The following UHRF1 variants were observed in gnomAD, a reference collection of about 807,000 sequenced individuals.
UHRF1 encodes the protein E3 ubiquitin-protein ligase UHRF1.
In UHRF1, 9 loss-of-function variants were observed where a neutral mutation model predicts 96.5. The ratio of observed to expected loss-of-function variants is 0.09; its 90% CI spans 0.06 to 0.16. The LOEUF is 0.16. UHRF1 is among the 10% of genes least tolerant of loss of function. The probability of loss-of-function intolerance (pLI) is 1.00; values close to 1 mark genes in which losing one functional copy is unlikely to be tolerated. For synonymous variants in UHRF1, 455 were observed against 469.9 expected, an observed-to-expected ratio of 0.97 and a Z score of 0.41; for missense variants, 626 against 1,131.1, an observed-to-expected ratio of 0.55 and a Z score of 6.40.
chr19:4,956,667 G>C, intron 15 of UHRF1, 42 bp from the exon 16 acceptor site: 1 of 1,317,346 alleles, frequency 7.6e-7, no homozygotes, highest in South Asian at 1.2e-5. Flanking sequence ...TGGGAGCCCT[G>C]GTCCCGGTGT....
chr19:4,921,308 G>A (rs912347417), intron 2 of UHRF1, among the ~76,000 whole-genome samples: 4 of 148,322 alleles, frequency 2.7e-5, no homozygotes, highest in Admixed American at 6.7e-5. Flanking sequence ...GTATGGTGGC[G>A]CATGTCTGTC....
intron 3 of UHRF1, among the ~76,000 whole-genome samples, chr19:4,929,892 C>T (rs2032994938): frequency 6.6e-6 from 1 of 152,146 alleles, no homozygotes; most frequent in South Asian, 2.1e-4. Context: ...CCTCGAACTC[C>T]TGGGCTCAAG....
chr19:4,904,512 A>C (rs2032024456), upstream of UHRF1, among the ~76,000 whole-genome samples: 1 of 151,878 alleles, frequency 6.6e-6, no homozygotes, highest in Admixed American at 6.6e-5. Flanking sequence ...ACAGGGTTTC[A>C]CCATCTTGGC....
chr19:4,948,331 A>AT (rs1183617231), intron 11 of UHRF1, among the ~76,000 whole-genome samples: 1 of 152,186 alleles, frequency 6.6e-6, no homozygotes, highest in African/African-American at 2.4e-5. Flanking sequence ...CTTTTCCAGC[A>AT]TAAAAACCAT....
At chr19:4,927,486 C>T (rs1280167387) in intron 2 of UHRF1, among the ~76,000 whole-genome samples, 1 of 152,086 alleles carries the variant, frequency 6.6e-6, no homozygotes, top group Non-Finnish European at 1.5e-5. Context: ...CAGAGAAGGG[C>T]CTTGGCCTTC....
intron 2 of UHRF1, among the ~76,000 whole-genome samples, chr19:4,923,949 C>T (rs2032784405): frequency 6.6e-6 from 1 of 152,062 alleles, no homozygotes; most frequent in Non-Finnish European, 1.5e-5. Flanking sequence ...TTTTCCTGAC[C>T]CAGTGATATT....
intron 1 of UHRF1, chr19:4,910,375 G>C (rs1207763732): frequency 6.6e-6 from 1 of 151,846 alleles, no homozygotes; most frequent in African/African-American, 2.4e-5. Context: ...CGTGGGCACC[G>C]AGGGGTCCCG....
chr19:4,913,978 A>C (rs1362519690), intron 2 of UHRF1, among the ~76,000 whole-genome samples: 1 of 150,844 alleles, frequency 6.6e-6, no homozygotes, highest in Non-Finnish European at 1.5e-5. Context: ...TGCGCAGCTA[A>C]TTTTTTTTGT....
At position 4,930,680 on chromosome 19, in the gene UHRF1, C is replaced by A. The variant is rs1447101437; in HGVS notation, c.409-36C>A. 2.1e-5 allele frequency: 33 copies of A among 1,604,520 alleles called. No homozygotes were observed. Among genetic ancestry groups the A allele is most frequent in the Non-Finnish European group, 2.8e-5 (33 of 1,174,722 alleles). Reference sequence around the variant, plus strand: ...GTGGTCTCCCGTCAGTTTTCCTCACCCCGTTGGGATGCCAGACTTCCCTCA... The same window carrying A: ...GTGGTCTCCCGTCAGTTTTCCTCACACCGTTGGGATGCCAGACTTCCCTCA... On this transcript the variant is annotated intron_variant, in intron 3 of 16. Coordinates refer to ENST00000650932, the MANE Select transcript of UHRF1 (RefSeq NM_001048201.3). The surrounding 1 kb of genome is among the most constrained non-coding windows in gnomAD (Gnocchi z 4.4).
rs1410685222 is a variant in UHRF1, at chr19:4,957,707, G to T, written c.2235+894G>T. On this transcript the variant is annotated intron_variant, in intron 16 of 16. Coordinates refer to ENST00000650932, the MANE Select transcript of UHRF1 (RefSeq NM_001048201.3). ...GGGCTGGATCATTGTCTGGGGTGGG[G>T]CCGTCCTGGGCACTGCAGGGTGCTG... 3.3e-5 allele frequency among the ~76,000 whole-genome samples: 5 copies of T among 152,282 alleles called. No homozygotes were observed. In the East Asian group the frequency reaches 9.7e-4, roughly 29 times the overall value.
At chr19:4,934,684 C>A (rs17886276) in intron 5 of UHRF1, among the ~76,000 whole-genome samples, 1 of 152,148 alleles carries the variant, frequency 6.6e-6, no homozygotes, top group Admixed American at 6.6e-5. Context: ...TCTATAAACA[C>A]GAGCATCTTG....
chr19:4,924,679 G>A (rs1348253030), intron 2 of UHRF1, among the ~76,000 whole-genome samples: 1 of 152,046 alleles, frequency 6.6e-6, no homozygotes, highest in Non-Finnish European at 1.5e-5. Flanking sequence ...TAGACCCCCT[G>A]CCCCAACAGG....
intron 3 of UHRF1, 109 bp downstream of exon 3, chr19:4,929,585 T>G: frequency 1.4e-6 from 2 of 1,460,626 alleles, no homozygotes; most frequent in Non-Finnish European, 1.8e-6. Context: ...TCTCTAGCTC[T>G]GGCTGGGCAG....
chr19:4,956,790 G>A lies in UHRF1; in HGVS notation c.2212G>A (p.Val738Met), dbSNP rs759664156. The change falls in exon 16 of 17, where the codon GTG becomes ATG. Residue 738 changes from valine (V) to methionine (M), a missense_variant. Val to Met is a conservative substitution (Grantham distance 21). Coordinates refer to ENST00000650932, the MANE Select transcript of UHRF1 (RefSeq NM_001048201.3). ...GCTGGTGTTCCGGCCCATCACGACC[G>A]TGTGCCAGCACAACGTGTGCAAGGT... ...QELVFRPITTVCQHNVCKDCL... is the reference protein window; with the variant it reads ...QELVFRPITTMCQHNVCKDCL... The A allele has an allele frequency of 2.4e-5, 39 of 1,609,226 alleles. No homozygotes were observed. The Admixed American group carries it at 5.2e-4, about 22-fold the overall frequency.
Position 4,951,131 on chromosome 19 carries a change from T to A in UHRF1, c.1818+135T>A. On this transcript the variant is annotated intron_variant, in intron 13 of 16. Transcript: ENST00000650932. Reference sequence around the variant, plus strand: ...AAATACAAAAATTAGCTGGGTATGGTGGCGGGTGCCTGTAATCCCAGCTAC... The same window carrying A: ...AAATACAAAAATTAGCTGGGTATGGAGGCGGGTGCCTGTAATCCCAGCTAC... 5.6e-6 allele frequency: 7 copies of A among 1,241,288 alleles called. No homozygotes were observed. In the South Asian group the frequency reaches 1.1e-4, roughly 20 times the overall value. The allele number at this position is 1,241,288 out of a possible 1,614,324, so 76.9% of individuals were successfully genotyped here.
chr19:4,927,755 A>G (rs1296665846), intron 2 of UHRF1, among the ~76,000 whole-genome samples: 1 of 152,060 alleles, frequency 6.6e-6, no homozygotes, highest in African/African-American at 2.4e-5. Flanking sequence ...AGTGCCCAGC[A>G]CGGCCCCACG....
Position 4,954,553 on chromosome 19 carries a change from G to C in UHRF1, c.1957+65G>C, listed in dbSNP as rs1202053666. 6.3e-6 allele frequency: 10 copies of C among 1,584,492 alleles called. No individual in the cohort carries two copies. In the East Asian group the frequency reaches 2.2e-4, roughly 36 times the overall value. On this transcript the variant is annotated intron_variant, in intron 14 of 16. Transcript: ENST00000650932. The surrounding 1 kb of genome is among the most constrained non-coding windows in gnomAD (Gnocchi z 5.9). ...GGGGGAGCAGGTGGGCATCTCGCGGGTGTGGGGTTGAGGTCGTGTGGACGT... is the reference window on the plus strand; with the variant it reads ...GGGGGAGCAGGTGGGCATCTCGCGGCTGTGGGGTTGAGGTCGTGTGGACGT...
chr19:4,936,089 G>A (rs1359044125), intron 5 of UHRF1, among the ~76,000 whole-genome samples: 1 of 152,182 alleles, frequency 6.6e-6, no homozygotes, highest in Non-Finnish European at 1.5e-5. Flanking sequence ...TGTGTCCCGA[G>A]CCCTCTGGGG....
In UHRF1 at chr19:4,923,679, G is replaced by T. The variant is rs576593816; in HGVS notation, c.154-5543G>T. 3.3e-5 allele frequency among the ~76,000 whole-genome samples: 5 copies of T among 152,302 alleles called. No homozygotes were observed. The South Asian group carries it at 8.3e-4, about 25-fold the overall frequency. On this transcript the variant is annotated intron_variant, in intron 2 of 16. Coordinates refer to ENST00000650932, the MANE Select transcript of UHRF1 (RefSeq NM_001048201.3). The stretch of plus-strand genomic sequence containing the variant: ...CCGCTCTAGCTTGGGTGCTCACTGC[G>T]GGTGATTCCACCCTCCAGGGGACAC...
Sources: gnomAD v4.1 joint callset for allele counts (sites outside exome capture counted in the v4.1 genomes callset) on GRCh38, gnomAD v4.1.1 for gene constraint, Gnocchi (gnomAD v3.1) non-coding constraint, MANE v1.5 for transcripts, NCBI Gene and HGNC (gene_info 2026-07-23, HGNC 2026-07-21) for gene names.